EHHADH: variants seen among roughly 807,000 people sequenced by gnomAD.
EHHADH encodes the protein enoyl-CoA hydratase and 3-hydroxyacyl CoA dehydrogenase, also known as peroxisomal bifunctional enzyme.
A neutral mutation model predicts 64.4 loss-of-function variants in EHHADH; 48 were observed. That is an observed-to-expected ratio of 0.75 (90% CI 0.59 to 0.95). The LOEUF is 0.95. Ranked by LOEUF, EHHADH falls within the 40% of genes least tolerant of loss-of-function variation. EHHADH has a pLI of 0.00. For synonymous variants in EHHADH, 308 were observed against 326.7 expected (o/e 0.94, Z 0.62); for missense variants, 854 against 876.6 (o/e 0.97, Z 0.33).
chr3:185,215,198 C>A (rs556054548), intron 5 of EHHADH, among the ~76,000 whole-genome samples: 29 of 151,762 alleles, frequency 1.9e-4, no homozygotes, highest in Non-Finnish European at 3.1e-4. Context: ...AGGTATTTAC[C>A]CAAGAAAAAG....
chr3:185,229,300 A>G (rs1325269499), intron 4 of EHHADH, 132 bp downstream of exon 4: 4 of 431,088 alleles, frequency 9.3e-6, no homozygotes, highest in Non-Finnish European at 1.6e-5. Flanking sequence ...AGATCAGAAA[A>G]TCGAGAGGCC....
At chr3:185,201,496 GCAGCAGATGCAGGTCCT>G (rs1402310377) in intron 6 of EHHADH, among the ~76,000 whole-genome samples, 4 of 152,224 alleles carry the variant, frequency 2.6e-5, no homozygotes, top group Non-Finnish European at 4.4e-5. Context: ...CCTGGAGAGG[GCAGCAGATGCAGGTCCT>G]CAGGGTAAGC....
chr3:185,253,824 A>G, intron 1 of EHHADH, 125 bp downstream of exon 1: 1 of 1,423,856 alleles, frequency 7.0e-7, no homozygotes, highest in Non-Finnish European at 9.2e-7. Context: ...CCTGGCATGT[A>G]CCAGTTGCTC....
At chr3:185,197,014 A>T (rs1287818923) in intron 6 of EHHADH, among the ~76,000 whole-genome samples, 4 of 152,108 alleles carry the variant, frequency 2.6e-5, no homozygotes, top group Non-Finnish European at 5.9e-5. Context: ...AGAAAAAAAA[A>T]AAAAAGCCAG....
chr3:185,212,945 C>T (rs1718583196), intron 5 of EHHADH, among the ~76,000 whole-genome samples: 1 of 151,516 alleles, frequency 6.6e-6, no homozygotes, highest in Non-Finnish European at 1.5e-5. Flanking sequence ...CATGGTGAAA[C>T]CCCGTCTCTA....
At chr3:185,240,945 T>C (rs1055401765) in intron 2 of EHHADH, among the ~76,000 whole-genome samples, 2 of 152,110 alleles carry the variant, frequency 1.3e-5, no homozygotes, top group African/African-American at 4.8e-5. Context: ...TAGTCTTTTA[T>C]CCCTTGCCCC....
chr3:185,246,569 C>T (rs1719601485), intron 2 of EHHADH: 1 of 209,992 alleles, frequency 4.8e-6, no homozygotes, highest in Non-Finnish European at 9.3e-6. Flanking sequence ...AGCCAAAGGG[C>T]CATTATCTTT....
At chr3:185,227,952 T>C (rs925781586) in intron 4 of EHHADH, among the ~76,000 whole-genome samples, 1 of 151,848 alleles carries the variant, frequency 6.6e-6, no homozygotes, top group Admixed American at 6.6e-5. Context: ...CATCACCCTA[T>C]AGTAGGTGCT....
At chr3:185,225,353 C>T (rs113380666) in intron 4 of EHHADH, among the ~76,000 whole-genome samples, 3,018 of 152,206 alleles carry the variant, frequency 0.02, 37 homozygotes, top group Middle Eastern at 0.099. Context: ...CCTTGACTCT[C>T]CTCTTTCTCT....
intron 6 of EHHADH, among the ~76,000 whole-genome samples, chr3:185,203,970 TCTCTA>T (rs1166675109): frequency 6.6e-6 from 1 of 151,358 alleles, no homozygotes; most frequent in Non-Finnish European, 1.5e-5. Flanking sequence ...CGAAGCCCTG[TCTCTA>T]CTAAAAATAC....
chr3:185,232,684 G>A (rs977439127), intron 3 of EHHADH, among the ~76,000 whole-genome samples: 1 of 152,200 alleles, frequency 6.6e-6, no homozygotes, highest in South Asian at 2.1e-4. Context: ...CTGACCTCAG[G>A]TGATCCGCCT....
At chr3:185,234,193 A>G (rs1719219474) in intron 3 of EHHADH, among the ~76,000 whole-genome samples, 1 of 152,164 alleles carries the variant, frequency 6.6e-6, no homozygotes, top group African/African-American at 2.4e-5. Flanking sequence ...TGTGATACAC[A>G]GTGGTATCAC....
At chr3:185,215,621 C>T (rs991970969) in intron 5 of EHHADH, among the ~76,000 whole-genome samples, 4 of 152,210 alleles carry the variant, frequency 2.6e-5, no homozygotes, top group Admixed American at 1.3e-4. Context: ...ACCAAACTCC[C>T]CCTTAAAATG....
chr3:185,233,770 C>G (rs889822984), intron 3 of EHHADH, among the ~76,000 whole-genome samples: 1 of 152,072 alleles, frequency 6.6e-6, no homozygotes, highest in Non-Finnish European at 1.5e-5. Flanking sequence ...CTCAGCCTCC[C>G]GAGTAGCTGG....
chr3:185,203,902 C>T (rs750052248), intron 6 of EHHADH, among the ~76,000 whole-genome samples: 2 of 151,860 alleles, frequency 1.3e-5, no homozygotes, highest in African/African-American at 2.4e-5. Flanking sequence ...AAATTTGGGA[C>T]GCTAAGGCAG....
chr3:185,198,310 C>A (rs1004983708), intron 6 of EHHADH, among the ~76,000 whole-genome samples: 5 of 152,006 alleles, frequency 3.3e-5, no homozygotes, highest in Admixed American at 1.3e-4. Context: ...CCTCCGCCTC[C>A]CGAGTTCAAG....
chr3:185,242,340 A>G (rs556013557), intron 2 of EHHADH, among the ~76,000 whole-genome samples: 1 of 152,310 alleles, frequency 6.6e-6, no homozygotes, highest in East Asian at 1.9e-4. Context: ...TGGAACCAAA[A>G]AAAGAGCCTG....
At chr3:185,253,844 G>A (rs1274509403) in intron 1 of EHHADH, 105 bp downstream of exon 1, 3 of 1,516,322 alleles carry the variant, frequency 2.0e-6, no homozygotes, top group Non-Finnish European at 2.7e-6. Context: ...CAACTCTTGA[G>A]TGTCCTTCTC....
chr3:185,197,776 T>C (rs563043191), intron 6 of EHHADH, among the ~76,000 whole-genome samples: 131 of 152,322 alleles, frequency 8.6e-4, no homozygotes, highest in Middle Eastern at 3.4e-3. Flanking sequence ...AATATCTATT[T>C]GAGTCCCTGC....
Sources: gnomAD v4.1 joint callset for allele counts (sites outside exome capture counted in the v4.1 genomes callset) on GRCh38, gnomAD v4.1.1 for gene constraint, MANE v1.5 for transcripts, NCBI Gene and HGNC (gene_info 2026-07-23, HGNC 2026-07-21) for gene names.